KAZN: variants seen among roughly 807,000 people sequenced by gnomAD.
KAZN encodes the protein kazrin.
KAZN carries 40 observed loss-of-function variants against 87.4 expected under a neutral mutation model. That is an observed-to-expected ratio of 0.46 (90% confidence interval 0.36 to 0.60). The LOEUF (loss-of-function observed/expected upper bound fraction) is 0.60. KAZN is among the 20% of genes least tolerant of loss of function. KAZN has a pLI of 0.00. For missense variants in KAZN, 898 were observed against 1,073.9 expected, an observed-to-expected ratio of 0.84 and a Z score of 2.29; for synonymous variants, 466 against 458.3, an observed-to-expected ratio of 1.02 and a Z score of -0.22.
At chr1:14,904,891 AGCTGGAACTACAGGC>A (rs1656338025) in intron 1 of KAZN, among the ~76,000 whole-genome samples, 1 of 152,038 alleles carries the variant, frequency 6.6e-6, no homozygotes, top group Non-Finnish European at 1.5e-5. Context: ...CCTCCCAAGT[AGCTGGAACTACAGGC>A]GCTGGCCACC....
At chr1:15,010,026 C>T (rs938249) in intron 2 of KAZN, among the ~76,000 whole-genome samples, 64,655 of 152,156 alleles carry the variant, frequency 0.42, 15,598 homozygotes, top group Admixed American at 0.54. Flanking sequence ...CTCATAAATT[C>T]TGTACCTTGT....
In KAZN at chr1:14,993,325, C is replaced by T. The variant is rs555301674; in HGVS notation, c.418+32450C>T. On this transcript the variant is annotated intron_variant, in intron 2 of 14. Transcript: ENST00000376030. ...TCTACCAAAAATACAAAAAATTAGC[C>T]GGGCGTGGTGGCAGGAGCCTGTAAT... Among the ~76,000 whole-genome samples the T allele has an allele frequency of 1.5e-3, 230 of 151,774 alleles. 5 individuals are homozygous for T. The South Asian group carries it at 0.026, about 17-fold the overall frequency.
chr1:14,979,097 G>A (rs146934615), intron 2 of KAZN, among the ~76,000 whole-genome samples: 1,723 of 151,942 alleles, frequency 0.011, 20 homozygotes, highest in Non-Finnish European at 0.017. Context: ...TACAGACAGC[G>A]TTCACCATGT....
At chr1:14,807,890 C>A (rs1028634080) in intron 1 of KAZN, among the ~76,000 whole-genome samples, 1 of 152,128 alleles carries the variant, frequency 6.6e-6, no homozygotes, top group African/African-American at 2.4e-5. Flanking sequence ...AGCCTCCACT[C>A]CCCTAGAGAT....
chr1:13,910,050 C>A (rs959689224), intron 1 of KAZN, among the ~76,000 whole-genome samples: 7 of 152,200 alleles, frequency 4.6e-5, no homozygotes, highest in Non-Finnish European at 8.8e-5. Context: ...TGGTTTAGAT[C>A]TGTGTCCCCA....
chr1:13,910,111 G>C (rs570122659), intron 1 of KAZN, among the ~76,000 whole-genome samples: 1 of 152,278 alleles, frequency 6.6e-6, no homozygotes, highest in East Asian at 1.9e-4. Context: ...TGTGGCCTGG[G>C]GGGAGGTGAT....
intron 2 of KAZN, among the ~76,000 whole-genome samples, chr1:14,402,789 T>C (rs913754293): frequency 2.6e-5 from 4 of 151,772 alleles, no homozygotes; most frequent in African/African-American, 4.8e-5. Context: ...AATAGATCGA[T>C]GAAGGAGAAT....
chr1:14,980,438 A>G (rs1467848823), intron 2 of KAZN, among the ~76,000 whole-genome samples: 1 of 152,194 alleles, frequency 6.6e-6, no homozygotes, highest in Non-Finnish European at 1.5e-5. Flanking sequence ...AGGGGATGGC[A>G]TAGGCAAAAG....
intron 2 of KAZN, among the ~76,000 whole-genome samples, chr1:14,414,280 C>G (rs951625709): frequency 2.0e-5 from 3 of 151,390 alleles, no homozygotes; most frequent in Admixed American, 1.3e-4. Flanking sequence ...GGAAAAGACT[C>G]CCACGAGTTC....
At chr1:14,147,753 G>A (rs959097965) in intron 1 of KAZN, among the ~76,000 whole-genome samples, 10 of 150,602 alleles carry the variant, frequency 6.6e-5, no homozygotes, top group East Asian at 2.0e-4. Context: ...CCGAGATCGC[G>A]CCACTGCACT....
chr1:13,894,884 G>C (rs957629776), intron 1 of KAZN, among the ~76,000 whole-genome samples: 10 of 152,218 alleles, frequency 6.6e-5, no homozygotes, highest in African/African-American at 2.4e-4. Context: ...GGATGTGTCT[G>C]CACAGAGAGG....
intron 1 of KAZN, among the ~76,000 whole-genome samples, chr1:14,955,531 C>T (rs1392346331): frequency 6.6e-6 from 1 of 152,222 alleles, no homozygotes; most frequent in Non-Finnish European, 1.5e-5. Context: ...AAGCCTCTCT[C>T]TTTCCATGGA....
intron 2 of KAZN, among the ~76,000 whole-genome samples, chr1:14,496,400 G>A (rs369485269): frequency 9.2e-5 from 14 of 152,262 alleles, no homozygotes; most frequent in African/African-American, 2.2e-4. Context: ...GCTTGTGCAT[G>A]CGAATATAAA....
chr1:14,727,506 T>A (rs1388878220), intron 1 of KAZN, among the ~76,000 whole-genome samples: 1 of 134,606 alleles, frequency 7.4e-6, no homozygotes, highest in Non-Finnish European at 1.6e-5. Flanking sequence ...TGAGAAAGAG[T>A]TTTGCTCTTG....
At chr1:14,339,691 T>A (rs1325439357) in intron 2 of KAZN, among the ~76,000 whole-genome samples, 1 of 152,230 alleles carries the variant, frequency 6.6e-6, no homozygotes, top group Non-Finnish European at 1.5e-5. Flanking sequence ...CCATTCACAT[T>A]AAGGAGGGCA....
intron 1 of KAZN, among the ~76,000 whole-genome samples, chr1:14,764,031 G>T (rs1248463050): frequency 6.6e-6 from 1 of 152,160 alleles, no homozygotes; most frequent in African/African-American, 2.4e-5. Flanking sequence ...TTACAGGCTT[G>T]AGCCACCACA....
At chr1:14,222,466 T>A (rs1473754987) in intron 2 of KAZN, among the ~76,000 whole-genome samples, 1 of 152,334 alleles carries the variant, frequency 6.6e-6, no homozygotes, top group Non-Finnish European at 1.5e-5. Flanking sequence ...TAAAGGAGTC[T>A]ATGTTTCTGC....
At chr1:14,067,887 G>A (rs1643073088) in intron 1 of KAZN, among the ~76,000 whole-genome samples, 1 of 152,294 alleles carries the variant, frequency 6.6e-6, no homozygotes, top group Admixed American at 6.5e-5. Context: ...GTGGCTCCCA[G>A]CATTGTCCTC....
chr1:14,070,920 G>A (rs1345482935), intron 1 of KAZN, among the ~76,000 whole-genome samples: 5 of 152,128 alleles, frequency 3.3e-5, no homozygotes, highest in African/African-American at 4.8e-5. Flanking sequence ...AGCAGAGAGT[G>A]GAAGGACAGA....
Sources: allele counts gnomAD v4.1 joint callset (sites outside exome capture counted in the v4.1 genomes callset), GRCh38; gene constraint gnomAD v4.1.1; transcripts MANE v1.5; gene names NCBI Gene and HGNC (gene_info 2026-07-23, HGNC 2026-07-21).